ITSN1: variants seen among roughly 807,000 people sequenced by gnomAD.
The protein encoded by ITSN1 is intersectin-1.
Under a neutral mutation model 239.8 loss-of-function variants are expected in ITSN1, and 58 were observed. The observed-to-expected ratio is 0.24, with a 90% confidence interval of 0.20 to 0.30. The LOEUF (loss-of-function observed/expected upper bound fraction) is 0.30, where lower values mean the gene tolerates loss of function less well. Among genes scored for constraint, ITSN1 ranks in the 10% least tolerant of loss-of-function variants. The probability of loss-of-function intolerance (pLI) is 1.00; values close to 1 mark genes in which losing one functional copy is unlikely to be tolerated. For missense variants in ITSN1, 1,558 were observed against 2,103.3 expected (o/e 0.74, Z 5.07); for synonymous variants, 780 against 770.8 (o/e 1.01, Z -0.20).
intron 1 of ITSN1, among the ~76,000 whole-genome samples, chr21:33,664,810 A>G (rs2089818065): frequency 6.6e-6 from 1 of 152,170 alleles, no homozygotes; most frequent in East Asian, 1.9e-4. Context: ...TGAAGTTATT[A>G]TATGTAGTTT....
At chr21:33,847,700 C>A in intron 29 of ITSN1, among the ~76,000 whole-genome samples, 1 of 152,128 alleles carries the variant, frequency 6.6e-6, no homozygotes, top group African/African-American at 2.4e-5. Context: ...GTGGTTACAG[C>A]CATTGAGCCT....
intron 31 of ITSN1, among the ~76,000 whole-genome samples, chr21:33,862,583 C>A (rs911837875): frequency 1.3e-5 from 2 of 152,066 alleles, no homozygotes; most frequent in Admixed American, 1.3e-4. Context: ...CAGGGAAAGG[C>A]TTGAGGGCGA....
At chr21:33,844,353 C>T (rs2074921350) in intron 29 of ITSN1, among the ~76,000 whole-genome samples, 2 of 152,190 alleles carry the variant, frequency 1.3e-5, no homozygotes, top group Non-Finnish European at 2.9e-5. Flanking sequence ...TTTTAAATGT[C>T]ACGTCTGGAC....
At chr21:33,764,820 A>G (rs1177295784) in intron 9 of ITSN1, among the ~76,000 whole-genome samples, 1 of 152,210 alleles carries the variant, frequency 6.6e-6, no homozygotes. Flanking sequence ...GAAATTGTTT[A>G]GTAAAATCAC....
chr21:33,843,961 A>C (rs964393369), intron 29 of ITSN1, among the ~76,000 whole-genome samples: 2 of 152,240 alleles, frequency 1.3e-5, no homozygotes, highest in African/African-American at 4.8e-5. Context: ...ATGGAATCCA[A>C]TCAAGTGCCT....
At chr21:33,841,050 G>T (rs559087222) in intron 29 of ITSN1, among the ~76,000 whole-genome samples, 8 of 152,308 alleles carry the variant, frequency 5.3e-5, no homozygotes, top group African/African-American at 1.9e-4. Context: ...CCAGGCCTCA[G>T]ACTGCCTCTG....
Position 33,775,005 on chromosome 21 carries a change from A to C in ITSN1, c.1493A>C (p.Asp498Ala), listed in dbSNP as rs1222542120. ...KKHQLEGKLQ[D>A]IRCRLTTQRQ... ...CATCAACTAGAAGGGAAACTTCAAG[A>C]TATCAGATGTCGATTGACCACCCAA... Residue 498 changes from aspartate (D) to alanine (A), a missense_variant, in exon 14 of 40, where the codon GAT becomes GCT. Around this residue, in one of 2 missense-constraint regions of ITSN1, gnomAD observed 982 missense variants for 1,209.9 expected, o/e 0.81. Transcript: ENST00000381318. The C allele has an allele frequency of 6.2e-7, 1 of 1,613,688 alleles. No homozygotes were observed. Among genetic ancestry groups the C allele is most frequent in the Non-Finnish European group, 8.5e-7 (1 of 1,179,692 alleles).
chr21:33,852,753 T>C (rs1369001202), intron 29 of ITSN1, among the ~76,000 whole-genome samples: 2 of 152,220 alleles, frequency 1.3e-5, no homozygotes, highest in Admixed American at 6.5e-5. Flanking sequence ...CAGTTAGTTT[T>C]GAGAATCCTT....
At chr21:33,820,203 G>A (rs749480136) in intron 24 of ITSN1, among the ~76,000 whole-genome samples, 2 of 151,900 alleles carry the variant, frequency 1.3e-5, no homozygotes, top group Non-Finnish European at 2.9e-5. Flanking sequence ...ATCTCCACTT[G>A]GTGACATAAT....
At chr21:33,874,648 T>C (rs889729024) in intron 33 of ITSN1, among the ~76,000 whole-genome samples, 3 of 88,376 alleles carry the variant, frequency 3.4e-5, no homozygotes, top group Non-Finnish European at 6.6e-5. Flanking sequence ...TATTTTCTTT[T>C]TCTTTCTTTT....
chr21:33,692,670 G>C (rs1456752451), intron 1 of ITSN1, among the ~76,000 whole-genome samples: 2 of 152,008 alleles, frequency 1.3e-5, no homozygotes, highest in Non-Finnish European at 2.9e-5. Context: ...AGAAATAATG[G>C]AATCTCATCC....
intron 24 of ITSN1, among the ~76,000 whole-genome samples, chr21:33,822,747 G>A (rs2073759585): frequency 6.6e-6 from 1 of 152,192 alleles, no homozygotes; most frequent in South Asian, 2.1e-4. Context: ...GATAAACTGT[G>A]ATTTGTCTTT....
At chr21:33,659,596 T>C (rs2089381322) in intron 1 of ITSN1, among the ~76,000 whole-genome samples, 3 of 152,078 alleles carry the variant, frequency 2.0e-5, no homozygotes, top group Non-Finnish European at 1.5e-5. Context: ...TTTTGAATAC[T>C]GTGTCTATAC....
At chr21:33,830,276 A>C (rs1045370650) in intron 27 of ITSN1, among the ~76,000 whole-genome samples, 1 of 152,110 alleles carries the variant, frequency 6.6e-6, no homozygotes, top group African/African-American at 2.4e-5. Context: ...CTTTAAAAAG[A>C]TTACTGTTAC....
intron 31 of ITSN1, among the ~76,000 whole-genome samples, chr21:33,859,867 G>T (rs564452251): frequency 1.3e-5 from 2 of 152,156 alleles, no homozygotes; most frequent in Non-Finnish European, 2.9e-5. Context: ...TCTGGACTCC[G>T]TTGCCCGCGC....
chr21:33,651,424 G>T (rs1359738408), intron 1 of ITSN1, among the ~76,000 whole-genome samples: 1 of 152,210 alleles, frequency 6.6e-6, no homozygotes, highest in Admixed American at 6.5e-5. Context: ...CTAGCCTTCT[G>T]CTTTATCTTT....
chr21:33,711,274 C>T (rs1275509929), intron 1 of ITSN1, among the ~76,000 whole-genome samples: 1 of 151,342 alleles, frequency 6.6e-6, no homozygotes, highest in African/African-American at 2.4e-5. Flanking sequence ...CTTATTTCTA[C>T]GATTTTTTTT....
In ITSN1 at chr21:33,797,561, A is replaced by G. The variant is rs1336899139; in HGVS notation, c.2135A>G (p.His712Arg). The G allele has an allele frequency of 6.2e-7, 1 of 1,613,940 alleles. No homozygotes were observed. The highest frequency in any genetic ancestry group is 1.3e-5 in the African/African-American group (1 of 74,902). Residue 712 changes from histidine (H) to arginine (R), a missense_variant, in exon 18 of 40, where the codon CAC becomes CGC. By Grantham distance (29) the His-to-Arg change is conservative. Coordinates refer to ENST00000381318, the MANE Select transcript of ITSN1 (RefSeq NM_003024.3). This position sits in a 1 kb window ranked among gnomAD's most constrained non-coding sequence, Gnocchi z 4.9. ...QDKLGRLFHQ[H>R]QEPAKPAVQA... ...AAGCTGGGTCGGCTTTTCCATCAAC[A>G]CCAAGAACCAGCTAAGCCAGCTGTC...
At chr21:33,765,333 C>CA (rs2068642416) in intron 9 of ITSN1, among the ~76,000 whole-genome samples, 1 of 152,128 alleles carries the variant, frequency 6.6e-6, no homozygotes. Context: ...CCCATCTCTA[C>CA]AAAATATTTT....
Sources: allele counts gnomAD v4.1 joint callset (sites outside exome capture counted in the v4.1 genomes callset), GRCh38; gene constraint gnomAD v4.1.1; regional missense constraint gnomAD v4.1.1; non-coding constraint Gnocchi (gnomAD v3.1); transcripts MANE v1.5; gene names NCBI Gene and HGNC (gene_info 2026-07-23, HGNC 2026-07-21).